Variants in RASGRF2 observed in about 807,000 individuals in gnomAD.
RASGRF2 encodes ras-specific guanine nucleotide-releasing factor 2.
A neutral mutation model predicts 151.0 loss-of-function variants in RASGRF2; 76 were observed. That is an observed-to-expected ratio of 0.50 (90% CI 0.42 to 0.61). The LOEUF (loss-of-function observed/expected upper bound fraction) is 0.61. RASGRF2 is among the 20% of genes least tolerant of loss of function. RASGRF2 has a pLI of 0.00. For synonymous variants in RASGRF2, 504 were observed against 566.5 expected (o/e 0.89, Z 1.57); for missense variants, 1,148 against 1,564.6 (o/e 0.73, Z 4.49).
chr5:81,194,921 G>T (rs1226017646), intron 18 of RASGRF2, among the ~76,000 whole-genome samples: 1 of 152,248 alleles, frequency 6.6e-6, no homozygotes, highest in African/African-American at 2.4e-5. Flanking sequence ...CCTTTTCAGA[G>T]AATGAAATAT....
At chr5:80,982,273 A>G (rs1748326147) in intron 1 of RASGRF2, among the ~76,000 whole-genome samples, 1 of 152,170 alleles carries the variant, frequency 6.6e-6, no homozygotes, top group African/African-American at 2.4e-5. Context: ...GCCCGTATCT[A>G]TGGAGGAGAT....
chr5:81,001,209 C>CT (rs752664150), intron 1 of RASGRF2, among the ~76,000 whole-genome samples: 1 of 152,152 alleles, frequency 6.6e-6, no homozygotes, highest in Non-Finnish European at 1.5e-5. Flanking sequence ...CAGCAGCAGT[C>CT]TTTTTTATTA....
At chr5:81,044,998 G>A (rs1750792464) in intron 2 of RASGRF2, among the ~76,000 whole-genome samples, 1 of 152,074 alleles carries the variant, frequency 6.6e-6, no homozygotes, top group Non-Finnish European at 1.5e-5. Context: ...GTGGACCCCA[G>A]GAGAGCTTGC....
intron 19 of RASGRF2, among the ~76,000 whole-genome samples, chr5:81,206,445 C>T (rs903985333): frequency 4.6e-5 from 7 of 152,058 alleles, no homozygotes; most frequent in East Asian, 1.9e-4. Context: ...GGAAAGCCCA[C>T]GGTAGGGGAT....
intron 26 of RASGRF2, among the ~76,000 whole-genome samples, chr5:81,220,232 G>A (rs550863839): frequency 9.2e-4 from 140 of 152,170 alleles, no homozygotes; most frequent in Admixed American, 2.0e-3. Context: ...GTGAAGTCTC[G>A]CATTATATGG....
intron 17 of RASGRF2, among the ~76,000 whole-genome samples, chr5:81,147,290 G>A (rs1263445834): frequency 1.3e-5 from 2 of 151,690 alleles, no homozygotes; most frequent in African/African-American, 4.8e-5. Context: ...TTTTAACTTC[G>A]AAACACTTTC....
chr5:81,000,431 C>T (rs565963785), intron 1 of RASGRF2, among the ~76,000 whole-genome samples: 91 of 152,182 alleles, frequency 6.0e-4, no homozygotes, highest in African/African-American at 1.9e-3. Flanking sequence ...TTAGTAGAGA[C>T]GGGGTTTCAC....
In RASGRF2 at chr5:81,227,452, G is replaced by A. The variant is rs1320665490; in HGVS notation, c.*1682G>A. The A allele has an allele frequency of 1.3e-5, 2 of 152,194 alleles. No homozygotes were observed. The highest frequency in any genetic ancestry group is 3.8e-4 in the East Asian group (2 of 5,196). The allele number at this position is 152,194 out of a possible 1,614,324, so 9.4% of individuals were successfully genotyped here. ...CAGTGTAGCACTCAACCCAAGGAGG[G>A]TTCCTTATGGATGCTTTCTTTTTCT... On this transcript the variant is annotated 3_prime_UTR_variant, in exon 27 of 27. Transcript: ENST00000265080.
chr5:80,965,260 G>T (rs1363511229), intron 1 of RASGRF2, among the ~76,000 whole-genome samples: 4 of 151,982 alleles, frequency 2.6e-5, no homozygotes, highest in African/African-American at 4.8e-5. Context: ...GTGGATGGTG[G>T]ATTTTCATAC....
At chr5:81,221,634 T>G (rs1755858845) in intron 26 of RASGRF2, among the ~76,000 whole-genome samples, 1 of 152,170 alleles carries the variant, frequency 6.6e-6, no homozygotes, top group Non-Finnish European at 1.5e-5. Flanking sequence ...GAGAATCACT[T>G]GAGCCCAGGA....
At position 81,115,490 on chromosome 5, in the gene RASGRF2, G is replaced by T. The variant is rs567681648; in HGVS notation, c.2470+1570G>T. On this transcript the variant is annotated intron_variant, in intron 15 of 26. Coordinates refer to ENST00000265080, the MANE Select transcript of RASGRF2 (RefSeq NM_006909.3). ...GGAATGACTGGAATGGGGCATGGGG[G>T]TATGGGAAGTACAGGAGCTTTCAGA... 3.3e-5 allele frequency among the ~76,000 whole-genome samples: 5 copies of T among 152,286 alleles called. No homozygotes were observed. In the East Asian group the frequency reaches 9.7e-4, roughly 29 times the overall value.
At chr5:81,026,826 C>T (rs775030461) in intron 1 of RASGRF2, among the ~76,000 whole-genome samples, 1 of 152,056 alleles carries the variant, frequency 6.6e-6, no homozygotes, top group Non-Finnish European at 1.5e-5. Flanking sequence ...AGTCCTAATA[C>T]AATGTTTTAT....
chr5:81,064,028 G>A lies in RASGRF2; in HGVS notation c.396-4004G>A, dbSNP rs560860680. On this transcript the variant is annotated intron_variant, in intron 2 of 26. Transcript: ENST00000265080. ...AATAAACAATTTATTGTTATACACA[G>A]TTTCTGTGGGTCAGGAACCCAGGCA... 5.3e-5 allele frequency among the ~76,000 whole-genome samples: 8 copies of A among 152,284 alleles called. No individual in the cohort carries two copies. The East Asian group carries it at 1.5e-3, about 29-fold the overall frequency.
At chr5:80,995,255 C>CAAAAAAAAA (rs11369891) in intron 1 of RASGRF2, among the ~76,000 whole-genome samples, 37 of 118,086 alleles carry the variant, frequency 3.1e-4, no homozygotes, top group African/African-American at 1.2e-3. Flanking sequence ...GACTCCGTCT[C>CAAAAAAAAA]AAAAAAAAAA....
Position 81,094,382 on chromosome 5 carries a change from T to C in RASGRF2, c.1618+20T>C. 1 of 1,601,340 alleles carries C rather than the reference T, an allele frequency of 6.2e-7. No individual in the cohort carries two copies. The highest frequency in any genetic ancestry group is 1.3e-5 in the African/African-American group (1 of 74,810). ...ATGACTGTAAGTCACCTTCGATCAC[T>C]TAGGATTCTATTAGAATTAGAGGCG... On this transcript the variant is annotated intron_variant, in intron 11 of 26. Coordinates refer to ENST00000265080, the MANE Select transcript of RASGRF2 (RefSeq NM_006909.3).
chr5:81,146,948 C>T (rs1462531173), intron 17 of RASGRF2, among the ~76,000 whole-genome samples: 8 of 152,062 alleles, frequency 5.3e-5, no homozygotes, highest in African/African-American at 1.7e-4. Flanking sequence ...ATATCAGGTA[C>T]TGTGGAAGGA....
At chr5:81,203,891 G>A (rs1385319434) in intron 19 of RASGRF2, among the ~76,000 whole-genome samples, 4 of 152,184 alleles carry the variant, frequency 2.6e-5, no homozygotes, top group African/African-American at 4.8e-5. Context: ...AGTTTCTGCC[G>A]TTAAGGCCAT....
intron 18 of RASGRF2, 129 bp downstream of exon 18, chr5:81,180,410 A>G (rs1219045966): frequency 1.6e-6 from 1 of 633,334 alleles, no homozygotes; most frequent in Non-Finnish European, 2.9e-6. Context: ...GGAACTTAGG[A>G]AGGGAAGAAA....
At chr5:80,995,327 C>A (rs1365404761) in intron 1 of RASGRF2, among the ~76,000 whole-genome samples, 1 of 149,772 alleles carries the variant, frequency 6.7e-6, no homozygotes, top group East Asian at 2.0e-4. Context: ...CTCTAAGCAA[C>A]CTCTGATCTG....
Sources: gnomAD v4.1 joint callset for allele counts (sites outside exome capture counted in the v4.1 genomes callset) on GRCh38, gnomAD v4.1.1 for gene constraint, MANE v1.5 for transcripts, NCBI Gene and HGNC (gene_info 2026-07-23, HGNC 2026-07-21) for gene names.